The following SPATA16 variants were observed in gnomAD, a reference collection of about 807,000 sequenced individuals.
SPATA16 encodes spermatogenesis associated 16.
A neutral mutation model predicts 63.3 loss-of-function variants in SPATA16; 36 were observed. The ratio of observed to expected loss-of-function variants is 0.57; its 90% confidence interval spans 0.44 to 0.75. The LOEUF (loss-of-function observed/expected upper bound fraction) is 0.75, where lower values mean the gene tolerates loss of function less well. Among genes scored for constraint, SPATA16 ranks in the 30% least tolerant of loss-of-function variants. The pLI is 0.00. For synonymous variants in SPATA16, 203 were observed against 216.7 expected (o/e 0.94, Z 0.56); for missense variants, 646 against 679.3 (o/e 0.95, Z 0.54).
At chr3:173,014,026 C>T (rs1245382595) in intron 4 of SPATA16, among the ~76,000 whole-genome samples, 5 of 151,986 alleles carry the variant, frequency 3.3e-5, no homozygotes, top group South Asian at 2.1e-4. Flanking sequence ...TTTAATTTCC[C>T]GCCTCAAAAG....
chr3:172,972,604 C>G (rs1445096823), intron 5 of SPATA16, among the ~76,000 whole-genome samples: 1 of 152,080 alleles, frequency 6.6e-6, no homozygotes, highest in Non-Finnish European at 1.5e-5. Context: ...ATACCTTAGG[C>G]ACATAAATTA....
rs573508039 is a variant in SPATA16 at position 172,897,505 on chromosome 3, G to A, written c.1588-7813C>T. Among the ~76,000 whole-genome samples, 11 of 152,184 alleles carry A rather than the reference G, an allele frequency of 7.2e-5. No individual in the cohort carries two copies. The South Asian group carries it at 2.1e-3, about 29-fold the overall frequency. ...TTTTAGGCATACAATTCATGTAGAT[G>A]TTTTGCTAGATTCACACCAAAGTAT... On this transcript the variant is annotated intron_variant, in intron 10 of 10. Coordinates refer to ENST00000351008, the MANE Select transcript of SPATA16 (RefSeq NM_031955.6).
At chr3:172,955,296 G>A (rs1285215032) in intron 6 of SPATA16, among the ~76,000 whole-genome samples, 1 of 152,040 alleles carries the variant, frequency 6.6e-6, no homozygotes, top group African/African-American at 2.4e-5. Context: ...CAATGGATCT[G>A]GGAGTGGAAA....
At chr3:173,032,512 A>AT (rs1735628707) in intron 3 of SPATA16, among the ~76,000 whole-genome samples, 1 of 152,030 alleles carries the variant, frequency 6.6e-6, no homozygotes, top group Non-Finnish European at 1.5e-5. Context: ...ACAGTGGGGG[A>AT]TTCAAATAAT....
chr3:172,956,258 A>C (rs1733592205), intron 6 of SPATA16, among the ~76,000 whole-genome samples: 1 of 152,108 alleles, frequency 6.6e-6, no homozygotes, highest in African/African-American at 2.4e-5. Context: ...GAGCATAAGG[A>C]AAGAAGAAGG....
intron 10 of SPATA16, among the ~76,000 whole-genome samples, chr3:172,891,446 C>T (rs1420552255): frequency 6.6e-6 from 1 of 152,172 alleles, no homozygotes; most frequent in Non-Finnish European, 1.5e-5. Flanking sequence ...ATACTATGTG[C>T]GTGCTGTATC....
chr3:172,979,458 T>C (rs1187636457), intron 4 of SPATA16, among the ~76,000 whole-genome samples: 1 of 152,170 alleles, frequency 6.6e-6, no homozygotes, highest in Non-Finnish European at 1.5e-5. Context: ...AAGTAAAAGC[T>C]AAATTGATAA....
Position 173,117,728 on chromosome 3 carries a change from C to T in SPATA16, c.4G>A (p.Asp2Asn). Residue 2 changes from aspartate (D) to asparagine (N), a missense_variant, in exon 2 of 11, where the codon GAT becomes AAT. Asp to Asn is a conservative substitution (Grantham distance 23, BLOSUM62 1). Transcript: ENST00000351008. ...TCCAAACTCCTACTGCTTCCTGCAT[C>T]CATCGATCCTGCCCAAAACTCCTGC... MDAGSSRSLENA... is the reference protein window; with the variant it reads MNAGSSRSLENA... 1 of 1,614,106 alleles carries T rather than the reference C, an allele frequency of 6.2e-7. No individual in the cohort carries two copies.
At chr3:172,993,364 G>A (rs563013260) in intron 4 of SPATA16, among the ~76,000 whole-genome samples, 7 of 152,214 alleles carry the variant, frequency 4.6e-5, no homozygotes, top group Admixed American at 2.0e-4. Context: ...TGAGAAAGAT[G>A]TAAGGGTTTC....
intron 2 of SPATA16, among the ~76,000 whole-genome samples, chr3:173,099,677 A>C (rs1577174053): frequency 6.6e-6 from 1 of 152,318 alleles, no homozygotes; most frequent in East Asian, 1.9e-4. Flanking sequence ...CTATTCAAAA[A>C]ATGAAAGAGT....
intron 10 of SPATA16, among the ~76,000 whole-genome samples, chr3:172,898,217 A>C (rs1387285583): frequency 6.6e-6 from 1 of 151,794 alleles, no homozygotes; most frequent in Non-Finnish European, 1.5e-5. Context: ...TTTGCGTACT[A>C]TTTTTGTCCC....
At chr3:172,916,827 C>A (rs1002978792) in intron 8 of SPATA16, among the ~76,000 whole-genome samples, 1 of 152,194 alleles carries the variant, frequency 6.6e-6, no homozygotes, top group Admixed American at 6.5e-5. Context: ...GAAGGGGCGA[C>A]TTTATCTATA....
chr3:173,010,371 G>A (rs2108271122), intron 4 of SPATA16, among the ~76,000 whole-genome samples: 1 of 152,140 alleles, frequency 6.6e-6, no homozygotes, highest in East Asian at 1.9e-4. Flanking sequence ...CTGTTACAAG[G>A]CCCACTGGTT....
At chr3:172,909,433 C>G (rs1732313501) in intron 10 of SPATA16, among the ~76,000 whole-genome samples, 1 of 152,122 alleles carries the variant, frequency 6.6e-6, no homozygotes, top group Non-Finnish European at 1.5e-5. Context: ...GTTTCTACTT[C>G]CTTTCTCTTA....
At chr3:172,967,002 A>T (rs1311003946) in intron 5 of SPATA16, among the ~76,000 whole-genome samples, 1 of 152,238 alleles carries the variant, frequency 6.6e-6, no homozygotes, top group East Asian at 1.9e-4. Flanking sequence ...TGATTTTCAG[A>T]TGCAAACAAA....
intron 2 of SPATA16, among the ~76,000 whole-genome samples, chr3:173,068,313 T>C (rs6806601): frequency 0.19 from 28,315 of 152,064 alleles, 2,996 homozygotes; most frequent in African/African-American, 0.29. Flanking sequence ...GTATAAAATA[T>C]ATGAATAGAG....
chr3:173,014,946 G>T (rs1735147175), intron 4 of SPATA16, among the ~76,000 whole-genome samples: 1 of 152,106 alleles, frequency 6.6e-6, no homozygotes, highest in East Asian at 1.9e-4. Context: ...TAATTGGTCT[G>T]ATACACACAT....
intron 5 of SPATA16, among the ~76,000 whole-genome samples, chr3:172,963,746 A>G (rs906854036): frequency 6.6e-6 from 1 of 152,162 alleles, no homozygotes; most frequent in African/African-American, 2.4e-5. Flanking sequence ...GAGGACATGG[A>G]AAGGATCTAA....
intron 6 of SPATA16, among the ~76,000 whole-genome samples, chr3:172,944,181 CAATT>C (rs1234988891): frequency 6.6e-6 from 1 of 152,074 alleles, no homozygotes; most frequent in Non-Finnish European, 1.5e-5. Flanking sequence ...AAAAACAACT[CAATT>C]AAAAAATTGG....
Sources: allele counts gnomAD v4.1 joint callset (sites outside exome capture counted in the v4.1 genomes callset), GRCh38; gene constraint gnomAD v4.1.1; transcripts MANE v1.5; gene names NCBI Gene and HGNC (gene_info 2026-07-23, HGNC 2026-07-21).